MIXL1: variants seen among roughly 807,000 people sequenced by gnomAD.
The protein encoded by MIXL1 is Mix paired-like homeobox, also known as homeobox protein MIXL1.
MIXL1 carries 9 observed loss-of-function variants against 9.3 expected under a neutral mutation model. That is an observed-to-expected ratio of 0.97 (90% confidence interval 0.58 to 1.69). The LOEUF is 1.69. Ranked by LOEUF, MIXL1 falls within the 40% of genes most tolerant of loss-of-function variation. MIXL1 has a pLI of 0.00. For synonymous variants in MIXL1, 164 were observed against 155.6 expected (o/e 1.05, Z -0.40); for missense variants, 330 against 331.7 (o/e 0.99, Z 0.04).
Position 226,225,957 on chromosome 1 carries a change from A to AT in MIXL1, c.*148dup. The AT allele has an allele frequency of 1.4e-6, 1 of 701,126 alleles. No homozygotes were observed. The highest frequency in any genetic ancestry group is 1.8e-5 in the South Asian group (1 of 55,114). 43.4% of individuals were successfully genotyped at this position (701,126 alleles called of 1,614,324 possible). A position where few individuals can be genotyped will look rare whatever the true frequency, so the allele number is the denominator to read the frequency against. On this transcript the variant is annotated 3_prime_UTR_variant, in exon 2 of 2. Transcript: ENST00000366810. ...TGATGGTTTTGACAGCACCTCTCAC[A>AT]TTTGAAGGTACCCCGCCACTTTGTC...
At position 226,225,672 on chromosome 1, in the gene MIXL1, C is replaced by A. The variant is rs201172577; in HGVS notation, c.559C>A (p.Pro187Thr). 8.7e-6 allele frequency: 14 copies of A among 1,614,174 alleles called. No homozygotes were observed. The Admixed American group carries it at 2.3e-4, about 27-fold the overall frequency. ...GGTAGATGTGAACTGCCTGCCCGAA[C>A]CAAACGGGGTTGGAGGGGGCATCTC... ...LEVDVNCLPE[P>T]NGVGGGISDS... Residue 187 changes from proline (P) to threonine (T), a missense_variant, in exon 2 of 2, where the codon CCA (proline) becomes ACA (threonine). Physicochemically the swap from Pro to Thr is conservative, Grantham distance 38 (BLOSUM62 -1). Coordinates refer to ENST00000366810, the MANE Select transcript of MIXL1 (RefSeq NM_031944.3).
rs368705607 is a variant in MIXL1 at position 226,225,766 on chromosome 1, T to C, written c.653T>C (p.Leu218Pro). Residue 218 changes from leucine to proline, a missense_variant, in exon 2 of 2, where the codon CTG becomes CCG. Transcript: ENST00000366810. ...SPLSEDIGSK[L>P]DSWEEHIFSA... The stretch of plus-strand genomic sequence containing the variant: ...CTCTCTGAAGACATTGGTTCAAAGC[T>C]GGACTCATGGGAGGAACACATCTTT... 2.4e-5 allele frequency: 38 copies of C among 1,614,168 alleles called. No homozygotes were observed. In the African/African-American group the frequency reaches 4.8e-4, roughly 20 times the overall value.
Position 226,223,745 on chromosome 1 carries a change from G to C in MIXL1, c.64G>C (p.Ala22Pro). Residue 22 changes from alanine to proline, a missense_variant, in exon 1 of 2, where the codon GCC becomes CCC. Physicochemically the swap from Ala to Pro is conservative, Grantham distance 27. Coordinates refer to ENST00000366810, the MANE Select transcript of MIXL1 (RefSeq NM_031944.3). ...GGGCGCCGCGTTTCCAGCGTACCGG[G>C]CCCCCCACGCCGGCGGGGCGCTCCT... ...AEGAAFPAYR[A>P]PHAGGALLPP... 7.0e-7 allele frequency: 1 copy of C among 1,436,776 alleles called. No individual in the cohort carries two copies. The highest frequency in any genetic ancestry group is 9.1e-7 in the Non-Finnish European group (1 of 1,097,768). The allele number at this position is 1,436,776 out of a possible 1,614,324, so 89.0% of individuals were successfully genotyped here. A position where few individuals can be genotyped will look rare whatever the true frequency, so the allele number is the denominator to read the frequency against.
intron 1 of MIXL1, 140 bp from the exon 2 acceptor site, chr1:226,225,367 C>T: frequency 3.4e-6 from 3 of 890,472 alleles, no homozygotes; most frequent in Admixed American, 2.8e-5. Flanking sequence ...TAATCGTCAA[C>T]CCAAGTGCTT....
chr1:226,224,378 TAAG>T (rs1657104811), intron 1 of MIXL1, among the ~76,000 whole-genome samples: 2 of 152,168 alleles, frequency 1.3e-5, no homozygotes, highest in Non-Finnish European at 1.5e-5. Flanking sequence ...AGCAGGAAGA[TAAG>T]AAGTTTTACA....
Position 226,225,837 on chromosome 1 carries a change from GCT to G in MIXL1, c.*28_*29del. On this transcript the variant is annotated 3_prime_UTR_variant, in exon 2 of 2. Transcript: ENST00000366810. ...AGGATTCTGGGAGAATTCGGGATAA[GCT>G]CTGAGGAGCCATGACTGACAGCCTG... 1 of 1,569,796 alleles carries G rather than the reference GCT, an allele frequency of 6.4e-7. No homozygotes were observed. Among genetic ancestry groups the G allele is most frequent in the Non-Finnish European group, 8.7e-7 (1 of 1,151,730 alleles).
chr1:226,224,700 C>A (rs1273300384), intron 1 of MIXL1, among the ~76,000 whole-genome samples: 2 of 152,120 alleles, frequency 1.3e-5, no homozygotes, highest in Non-Finnish European at 2.9e-5. Flanking sequence ...AGTGCAATGG[C>A]GCGATCTGGG....
rs1657153381 is a variant in MIXL1, at chr1:226,226,048, C to T, written c.*236C>T. The T allele has an allele frequency of 4.2e-6, 2 of 479,706 alleles. No individual in the cohort carries two copies. The highest frequency in any genetic ancestry group is 7.5e-6 in the Non-Finnish European group (2 of 266,976). 29.7% of individuals were successfully genotyped at this position (479,706 alleles called of 1,614,324 possible). ...CATTCGTTTTTACCTGTGTTCTCTC[C>T]AAGCCTGCACATTCCATTGGTCTGC... On this transcript the variant is annotated 3_prime_UTR_variant, in exon 2 of 2. Coordinates refer to ENST00000366810, the MANE Select transcript of MIXL1 (RefSeq NM_031944.3).
intron 1 of MIXL1, among the ~76,000 whole-genome samples, chr1:226,224,815 T>G (rs532312812): frequency 6.6e-6 from 1 of 152,130 alleles, no homozygotes; most frequent in Non-Finnish European, 1.5e-5. Flanking sequence ...AATTTTTGTA[T>G]TTTTAGTAGA....
Position 226,225,668 on chromosome 1 carries a change from C to T in MIXL1, c.555C>T (p.Pro185=). The T allele has an allele frequency of 5.0e-6, 8 of 1,614,160 alleles. No individual in the cohort carries two copies. Among genetic ancestry groups the T allele is most frequent in the South Asian group, 1.1e-5 (1 of 91,084 alleles). Residue 185 remains proline (P), a synonymous_variant, in exon 2 of 2, where the codon CCC becomes CCT. Transcript: ENST00000366810. ...TTGAGGTAGATGTGAACTGCCTGCC[C>T]GAACCAAACGGGGTTGGAGGGGGCA... is the stretch of plus-strand genomic sequence containing the variant. The part of the protein sequence containing the change: ...LPLEVDVNCL[P]EPNGVGGGIS...
At position 226,223,954 on chromosome 1, in the gene MIXL1, G is replaced by T. The variant is rs760150742; in HGVS notation, c.273G>T (p.Thr91=). Residue 91 remains threonine (T), a synonymous_variant, in exon 1 of 2, where the codon ACG becomes ACT. Coordinates refer to ENST00000366810, the MANE Select transcript of MIXL1 (RefSeq NM_031944.3). The part of the protein sequence containing the change: ...APSASQRRKR[T]SFSAEQLQLL... Reference sequence around the variant, plus strand: ...CGGCGTCGCAGCGCCGCAAGCGCACGTCTTTCAGCGCCGAACAGCTGCAGC... The same window carrying T: ...CGGCGTCGCAGCGCCGCAAGCGCACTTCTTTCAGCGCCGAACAGCTGCAGC... 4.2e-6 allele frequency: 6 copies of T among 1,441,400 alleles called. No individual in the cohort carries two copies. The highest frequency in any genetic ancestry group is 3.0e-5 in the South Asian group (2 of 65,748). The allele number at this position is 1,441,400 out of a possible 1,614,324, so 89.3% of individuals were successfully genotyped here.
chr1:226,224,248 G>A (rs1037705018), intron 1 of MIXL1, among the ~76,000 whole-genome samples, 174 bp downstream of exon 1: 1 of 152,220 alleles, frequency 6.6e-6, no homozygotes, highest in African/African-American at 2.4e-5. Flanking sequence ...TGCATAGGGT[G>A]GTTGCGAGGC....
chr1:226,225,445 A>G, intron 1 of MIXL1, 62 bp from the exon 2 acceptor site: 1 of 1,565,238 alleles, frequency 6.4e-7, no homozygotes. Flanking sequence ...ATGAACTGTG[A>G]ACATAATGTT....
In MIXL1 at chr1:226,223,928, T is replaced by C; in HGVS notation, c.247T>C (p.Ser83Pro). 1 of 1,391,142 alleles carries C rather than the reference T, an allele frequency of 7.2e-7. No individual in the cohort carries two copies. Among genetic ancestry groups the C allele is most frequent in the Non-Finnish European group, 9.4e-7 (1 of 1,063,288 alleles). The allele number at this position is 1,391,142 out of a possible 1,614,324, so 86.2% of individuals were successfully genotyped here. The change falls in exon 1 of 2, where the codon TCG (serine) becomes CCG (proline). Residue 83 changes from serine to proline, a missense_variant. Coordinates refer to ENST00000366810, the MANE Select transcript of MIXL1 (RefSeq NM_031944.3). The stretch of plus-strand genomic sequence containing the variant: ...GCCCCCCAAAGGCGCGGCCGCCCCG[T>C]CGGCGTCGCAGCGCCGCAAGCGCAC... ...PAPPKGAAAP[S>P]ASQRRKRTSF...
At position 226,223,880 on chromosome 1, in the gene MIXL1, C is replaced by A. The variant is rs1055084703; in HGVS notation, c.199C>A (p.Pro67Thr). The A allele has an allele frequency of 6.5e-6, 8 of 1,222,072 alleles. No homozygotes were observed. In the South Asian group the frequency reaches 1.6e-4, roughly 24 times the overall value. 75.7% of individuals were successfully genotyped at this position (1,222,072 alleles called of 1,614,324 possible). A position where few individuals can be genotyped will look rare whatever the true frequency, so the allele number is the denominator to read the frequency against. The change falls in exon 1 of 2, where the codon CCC (proline) becomes ACC (threonine). Residue 67 changes from proline (P) to threonine (T), a missense_variant. Physicochemically the swap from Pro to Thr is conservative, Grantham distance 38. Transcript: ENST00000366810. ...GGACCCCGGGCCGGCCCCGCCGCCCCCCGCCAGCCTGGGCTCGCCTGCGCC... is the reference window on the plus strand; with the variant it reads ...GGACCCCGGGCCGGCCCCGCCGCCCACCGCCAGCCTGGGCTCGCCTGCGCC... ...GRDPGPAPPPPASLGSPAPPK... is the reference protein window; with the variant it reads ...GRDPGPAPPPTASLGSPAPPK...
intron 1 of MIXL1, among the ~76,000 whole-genome samples, chr1:226,224,356 A>G (rs1298171418): frequency 6.6e-6 from 1 of 152,216 alleles, no homozygotes; most frequent in African/African-American, 2.4e-5. Flanking sequence ...AAATGGCCAG[A>G]AAGTAATTCC....
In MIXL1 at chr1:226,223,717, CG is replaced by C. The variant is rs1657072709; in HGVS notation, c.37del (p.Glu13ArgfsTer159). 1 of 1,464,574 alleles carries C rather than the reference CG, an allele frequency of 6.8e-7. No homozygotes were observed. The highest frequency in any genetic ancestry group is 2.4e-5 in the Admixed American group (1 of 41,524). The allele number at this position is 1,464,574 out of a possible 1,614,324, so 90.7% of individuals were successfully genotyped here. On this transcript the variant is annotated frameshift_variant, in exon 1 of 2. Transcript: ENST00000366810. LOFTEE classifies it high-confidence loss of function. ...TAESRALQFA[E>X]GAAFPAYRAP... is the part of the protein sequence containing the mutation. ...CCGAGTCCCGTGCGCTCCAGTTTGC[CG>C]AGGGCGCCGCGTTTCCAGCGTACCG... is the stretch of plus-strand genomic sequence containing the variant.
chr1:226,223,751 C>T lies in MIXL1; in HGVS notation c.70C>T (p.His24Tyr). Residue 24 changes from histidine (H) to tyrosine (Y), a missense_variant, in exon 1 of 2, where the codon CAC becomes TAC. Transcript: ENST00000366810. ...CGCGTTTCCAGCGTACCGGGCCCCC[C>T]ACGCCGGCGGGGCGCTCCTGCCGCC... The part of the protein sequence containing the change: ...GAAFPAYRAP[H>Y]AGGALLPPPS... 2.1e-6 allele frequency: 3 copies of T among 1,432,618 alleles called. No individual in the cohort carries two copies. The highest frequency in any genetic ancestry group is 1.4e-5 in the South Asian group (1 of 71,750). The allele number at this position is 1,432,618 out of a possible 1,614,324, so 88.7% of individuals were successfully genotyped here.
At position 226,223,924 on chromosome 1, in the gene MIXL1, C is replaced by A. The variant is rs1657083847; in HGVS notation, c.243C>A (p.Ala81=). The change falls in exon 1 of 2, where the codon GCC becomes GCA. Residue 81 remains alanine (A), a synonymous_variant. Coordinates refer to ENST00000366810, the MANE Select transcript of MIXL1 (RefSeq NM_031944.3). ...CTGCGCCCCCCAAAGGCGCGGCCGC[C>A]CCGTCGGCGTCGCAGCGCCGCAAGC... ...GSPAPPKGAA[A]PSASQRRKRT... The A allele has an allele frequency of 2.9e-6, 4 of 1,381,822 alleles. No individual in the cohort carries two copies. The African/African-American group carries it at 4.4e-5, about 15-fold the overall frequency. 85.6% of individuals were successfully genotyped at this position (1,381,822 alleles called of 1,614,324 possible).
Sources: gnomAD v4.1 joint callset for allele counts (sites outside exome capture counted in the v4.1 genomes callset) on GRCh38, gnomAD v4.1.1 for gene constraint, MANE v1.5 for transcripts, NCBI Gene and HGNC (gene_info 2026-07-23, HGNC 2026-07-21) for gene names.